Variants in RPSA2 observed in about 807,000 individuals in gnomAD.
RPSA2 encodes small ribosomal subunit protein uS2B.
At chr19:23,763,789 G>C in the RPSA2 span, among the ~76,000 whole-genome samples, 5 of 152,266 alleles carry the variant, frequency 3.3e-5, no homozygotes, top group African/African-American at 1.2e-4. Flanking sequence ...AAAAATTAAA[G>C]GGAGTCAGGG....
the RPSA2 span, chr19:23,759,040 T>C: frequency 1.3e-5 from 7 of 534,138 alleles, no homozygotes; most frequent in Admixed American, 7.3e-5. Flanking sequence ...GATGCTCTGC[T>C]GAATGAAGAC....
chr19:23,855,135 T>G, the RPSA2 span, among the ~76,000 whole-genome samples: 2 of 152,286 alleles, frequency 1.3e-5, no homozygotes, highest in East Asian at 3.9e-4. Context: ...ACTTGTTCCA[T>G]GGTGAAAGCA....
chr19:23,840,468 G>A, the RPSA2 span, among the ~76,000 whole-genome samples: 3 of 152,102 alleles, frequency 2.0e-5, no homozygotes, highest in African/African-American at 7.2e-5. Context: ...ATATCAGTGA[G>A]GGAGAAAACT....
the RPSA2 span, among the ~76,000 whole-genome samples, chr19:23,811,044 T>C: frequency 1.3e-5 from 2 of 150,208 alleles, no homozygotes; most frequent in Admixed American, 6.7e-5. Flanking sequence ...TCTTGCTCTG[T>C]CACACAGACT....
chr19:23,862,394 G>T, the RPSA2 span, among the ~76,000 whole-genome samples: 1 of 151,278 alleles, frequency 6.6e-6, no homozygotes, highest in Non-Finnish European at 1.5e-5. Context: ...AATTGCCCTG[G>T]CCAGAACTTC....
chr19:23,805,021 T>TAAGGACAGGACA, the RPSA2 span, among the ~76,000 whole-genome samples: 2 of 7,918 alleles, frequency 2.5e-4, no homozygotes, highest in Non-Finnish European at 4.9e-4. Context: ...TGTTTGGGTT[T>TAAGGACAGGACA]GTTAAGGACA....
At chr19:23,786,332 A>G in the RPSA2 span, among the ~76,000 whole-genome samples, 9 of 152,170 alleles carry the variant, frequency 5.9e-5, no homozygotes, top group Admixed American at 5.2e-4. Flanking sequence ...AGTGATTATC[A>G]CATATGCCTA....
At chr19:23,801,042 T>C in the RPSA2 span, among the ~76,000 whole-genome samples, 2 of 152,180 alleles carry the variant, frequency 1.3e-5, no homozygotes, top group African/African-American at 4.8e-5. Context: ...CAAGTGTGCA[T>C]TGAGTAGACA....
chr19:23,791,121 G>A, the RPSA2 span, among the ~76,000 whole-genome samples: 1 of 152,178 alleles, frequency 6.6e-6, no homozygotes, highest in South Asian at 2.1e-4. Flanking sequence ...ATGTATGGGT[G>A]TCACAATGAA....
the RPSA2 span, among the ~76,000 whole-genome samples, chr19:23,868,430 C>T: frequency 6.6e-6 from 1 of 152,140 alleles, no homozygotes; most frequent in Non-Finnish European, 1.5e-5. Flanking sequence ...TTTCCTACAG[C>T]TTTGGGCTAT....
the RPSA2 span, among the ~76,000 whole-genome samples, chr19:23,864,655 G>A: frequency 6.6e-6 from 1 of 152,164 alleles, no homozygotes; most frequent in East Asian, 1.9e-4. Context: ...TGAACATACT[G>A]ATTTTAATTT....
chr19:23,869,658 C>G, the RPSA2 span, among the ~76,000 whole-genome samples: 1 of 152,284 alleles, frequency 6.6e-6, no homozygotes, highest in Non-Finnish European at 1.5e-5. Flanking sequence ...GGATCCAATC[C>G]CAGTCTGCCA....
At chr19:23,821,617 G>T in the RPSA2 span, among the ~76,000 whole-genome samples, 1 of 152,140 alleles carries the variant, frequency 6.6e-6, no homozygotes, top group African/African-American at 2.4e-5. Flanking sequence ...TCGGCATCTG[G>T]CTCCCTCAGG....
chr19:23,781,332 G>A, the RPSA2 span, among the ~76,000 whole-genome samples: 3 of 151,918 alleles, frequency 2.0e-5, no homozygotes, highest in Admixed American at 6.6e-5. Flanking sequence ...CCTCACTAAG[G>A]AGAATAATTT....
the RPSA2 span, among the ~76,000 whole-genome samples, chr19:23,793,499 A>G: frequency 2.6e-5 from 4 of 151,876 alleles, no homozygotes; most frequent in Admixed American, 6.6e-5. Flanking sequence ...TCTGTTGCCT[A>G]GGCTGAAGTG....
chr19:23,845,730 G>A, the RPSA2 span, among the ~76,000 whole-genome samples: 24 of 152,226 alleles, frequency 1.6e-4, no homozygotes, highest in Admixed American at 6.5e-4. Flanking sequence ...GACCTCAGGC[G>A]ATCCACCTGC....
chr19:23,860,402 C>T, the RPSA2 span, among the ~76,000 whole-genome samples: 2 of 152,286 alleles, frequency 1.3e-5, no homozygotes, highest in Middle Eastern at 6.8e-3. Flanking sequence ...CATTCTTCTA[C>T]TCCACATGGA....
the RPSA2 span, among the ~76,000 whole-genome samples, chr19:23,769,088 A>G: frequency 1.3e-5 from 2 of 152,174 alleles, no homozygotes; most frequent in Admixed American, 6.5e-5. Context: ...AAGTCACTGT[A>G]ACATATATCT....
chr19:23,767,162 G>C, the RPSA2 span, among the ~76,000 whole-genome samples: 3 of 151,804 alleles, frequency 2.0e-5, no homozygotes, highest in African/African-American at 7.3e-5. Flanking sequence ...GGCTGTTCTC[G>C]AACTCCTGAC....
Sources: gnomAD v4.1 joint callset for allele counts (sites outside exome capture counted in the v4.1 genomes callset) on GRCh38, gnomAD v4.1.1 for gene constraint, MANE v1.5 for transcripts, NCBI Gene and HGNC (gene_info 2026-07-23, HGNC 2026-07-21) for gene names.